Variants in CDKAL1 observed in about 807,000 individuals in gnomAD.
CDKAL1 encodes threonylcarbamoyladenosine tRNA methylthiotransferase.
A neutral mutation model predicts 68.2 loss-of-function variants in CDKAL1; 32 were observed. The ratio of observed to expected loss-of-function variants is 0.47; its 90% CI spans 0.35 to 0.63. The LOEUF (loss-of-function observed/expected upper bound fraction) is 0.63, where lower values mean the gene tolerates loss of function less well. Among genes scored for constraint, CDKAL1 ranks in the 30% least tolerant of loss-of-function variants. CDKAL1 has a pLI of 0.00. For missense variants in CDKAL1, 606 were observed against 696.7 expected (o/e 0.87, Z 1.47); for synonymous variants, 234 against 244.3 (o/e 0.96, Z 0.39).
At chr6:20,730,351 G>A (rs1030114908) in intron 5 of CDKAL1, among the ~76,000 whole-genome samples, 1 of 144,250 alleles carries the variant, frequency 6.9e-6, no homozygotes, top group African/African-American at 2.6e-5. Context: ...GACCCGAAAA[G>A]AAAGAAAGAT....
intron 6 of CDKAL1, among the ~76,000 whole-genome samples, chr6:20,740,151 C>T (rs1469243475): frequency 1.3e-5 from 2 of 152,168 alleles, no homozygotes; most frequent in Non-Finnish European, 2.9e-5. Flanking sequence ...TAAAGCCCAC[C>T]TGTCTATTTA....
rs546519116 is a variant in CDKAL1 at position 20,977,815 on chromosome 6, C to T, written c.909+22230C>T. Among the ~76,000 whole-genome samples, 6 of 152,220 alleles carry T rather than the reference C, an allele frequency of 3.9e-5. 1 individual carries two copies. Among genetic ancestry groups the T allele is most frequent in the African/African-American group, 1.2e-4 (5 of 41,528 alleles). Reference sequence around the variant, plus strand: ...ATCACTTGAGCCCAGGAGGCGGAGGCTGCAGTGAGCTGGAATTGCTCCACT... The same window carrying T: ...ATCACTTGAGCCCAGGAGGCGGAGGTTGCAGTGAGCTGGAATTGCTCCACT... On this transcript the variant is annotated intron_variant, in intron 10 of 15. Coordinates refer to ENST00000274695, the MANE Select transcript of CDKAL1 (RefSeq NM_017774.3).
At chr6:20,853,945 G>A (rs1316122806) in intron 9 of CDKAL1, among the ~76,000 whole-genome samples, 1 of 152,218 alleles carries the variant, frequency 6.6e-6, no homozygotes, top group African/African-American at 2.4e-5. Flanking sequence ...GCCCTAGATA[G>A]TGAATGGATG....
intron 4 of CDKAL1, among the ~76,000 whole-genome samples, chr6:20,555,118 G>A (rs1763983715): frequency 6.6e-6 from 1 of 152,108 alleles, no homozygotes; most frequent in Admixed American, 6.6e-5. Flanking sequence ...ACAGAGTAGA[G>A]TGCTAAAGAG....
At chr6:21,225,378 G>A (rs927306106) in intron 15 of CDKAL1, among the ~76,000 whole-genome samples, 11 of 152,120 alleles carry the variant, frequency 7.2e-5, no homozygotes, top group East Asian at 1.9e-4. Context: ...CACAATGGAC[G>A]TAGCTTCTTC....
intron 9 of CDKAL1, among the ~76,000 whole-genome samples, chr6:20,895,486 A>G (rs1761632216): frequency 6.6e-6 from 1 of 152,182 alleles, no homozygotes; most frequent in African/African-American, 2.4e-5. Flanking sequence ...ACGCTTGCTC[A>G]GCTATTCATT....
At chr6:20,900,325 T>C (rs1454685878) in intron 9 of CDKAL1, among the ~76,000 whole-genome samples, 3 of 152,236 alleles carry the variant, frequency 2.0e-5, no homozygotes, top group Non-Finnish European at 1.5e-5. Context: ...CATTTTTTGA[T>C]GGCTCCTACC....
At chr6:21,144,037 A>G (rs1776048422) in intron 13 of CDKAL1, among the ~76,000 whole-genome samples, 1 of 152,066 alleles carries the variant, frequency 6.6e-6, no homozygotes, top group African/African-American at 2.4e-5. Flanking sequence ...TGTTATATTC[A>G]GAAAAGACTG....
At chr6:21,206,160 C>T (rs1257545589) in intron 15 of CDKAL1, among the ~76,000 whole-genome samples, 1 of 152,116 alleles carries the variant, frequency 6.6e-6, no homozygotes, top group Non-Finnish European at 1.5e-5. Context: ...AGCCCAGGTC[C>T]ATACTGCCTT....
At chr6:20,820,039 G>A (rs1265064498) in intron 8 of CDKAL1, among the ~76,000 whole-genome samples, 2 of 152,130 alleles carry the variant, frequency 1.3e-5, no homozygotes, top group Admixed American at 6.6e-5. Context: ...TTGCATGGCT[G>A]AAGTCTCGTG....
At chr6:20,955,307 A>G (rs1764725201) in intron 9 of CDKAL1, 112 bp from the exon 10 acceptor site, 3 of 1,081,608 alleles carry the variant, frequency 2.8e-6, no homozygotes, top group Non-Finnish European at 4.1e-6. Context: ...TTGAATACCC[A>G]GACTGCCTGA....
intron 9 of CDKAL1, among the ~76,000 whole-genome samples, chr6:20,898,077 G>A (rs1390121959): frequency 2.0e-5 from 3 of 152,020 alleles, no homozygotes; most frequent in Non-Finnish European, 4.4e-5. Context: ...TTCTAGGTGT[G>A]GAAGGATGGC....
intron 15 of CDKAL1, among the ~76,000 whole-genome samples, chr6:21,218,369 A>G (rs1186863177): frequency 6.6e-6 from 1 of 152,230 alleles, no homozygotes; most frequent in Non-Finnish European, 1.5e-5. Context: ...CTGTGTAACA[A>G]ATTACTTCAA....
chr6:21,133,553 A>G (rs920446408), intron 13 of CDKAL1, among the ~76,000 whole-genome samples: 1 of 152,220 alleles, frequency 6.6e-6, no homozygotes, highest in Non-Finnish European at 1.5e-5. Context: ...GATAGCACGC[A>G]GTGGTCTTTT....
At chr6:20,912,087 G>A (rs996191007) in intron 9 of CDKAL1, among the ~76,000 whole-genome samples, 4 of 152,216 alleles carry the variant, frequency 2.6e-5, no homozygotes, top group African/African-American at 9.6e-5. Flanking sequence ...AGGATCCACT[G>A]CCATTTTGTT....
chr6:20,587,517 T>C (rs1765422257), intron 4 of CDKAL1, among the ~76,000 whole-genome samples: 1 of 149,292 alleles, frequency 6.7e-6, no homozygotes. Flanking sequence ...AGGATCGCTT[T>C]AGCCCAGGAG....
At chr6:20,793,750 A>T (rs1775996001) in intron 8 of CDKAL1, among the ~76,000 whole-genome samples, 1 of 132,152 alleles carries the variant, frequency 7.6e-6, no homozygotes, top group Admixed American at 7.7e-5. Context: ...TAATATAGAC[A>T]TTTCAGGGAT....
At chr6:21,164,993 T>C (rs1777093321) in intron 13 of CDKAL1, among the ~76,000 whole-genome samples, 1 of 152,222 alleles carries the variant, frequency 6.6e-6, no homozygotes, top group Non-Finnish European at 1.5e-5. Flanking sequence ...AATAGACAGC[T>C]AAGATGTGGT....
chr6:20,734,305 T>A (rs186519149), intron 5 of CDKAL1, among the ~76,000 whole-genome samples: 2 of 152,124 alleles, frequency 1.3e-5, no homozygotes, highest in Admixed American at 6.5e-5. Flanking sequence ...TAGAAATATG[T>A]TTCAAGAAAA....
Sources: gnomAD v4.1 joint callset for allele counts (sites outside exome capture counted in the v4.1 genomes callset) on GRCh38, gnomAD v4.1.1 for gene constraint, MANE v1.5 for transcripts, NCBI Gene and HGNC (gene_info 2026-07-23, HGNC 2026-07-21) for gene names.